The following SSBP3 variants were observed in gnomAD, a reference collection of about 807,000 sequenced individuals.
SSBP3 encodes the protein single stranded DNA binding protein 3.
SSBP3 carries 5 observed loss-of-function variants against 69.6 expected under a neutral mutation model. That is an observed-to-expected ratio of 0.07 (90% CI 0.04 to 0.15). The LOEUF (loss-of-function observed/expected upper bound fraction) is 0.15, where lower values mean the gene tolerates loss of function less well. Among genes scored for constraint, SSBP3 ranks in the 10% least tolerant of loss-of-function variants. The pLI is 1.00. For missense variants in SSBP3, 312 were observed against 534.0 expected (o/e 0.58, Z 4.10); for synonymous variants, 196 against 193.4 (o/e 1.01, Z -0.11).
intron 5 of SSBP3, among the ~76,000 whole-genome samples, chr1:54,272,480 CT>C (rs71497593): frequency 0.021 from 2,594 of 123,958 alleles, 66 homozygotes; most frequent in African/African-American, 0.068. Flanking sequence ...GGAATTTGAC[CT>C]TTTTTTTAAA....
chr1:54,399,457 G>A (rs138107250), intron 4 of SSBP3, among the ~76,000 whole-genome samples: 206 of 152,334 alleles, frequency 1.4e-3, no homozygotes, highest in African/African-American at 4.6e-3. Flanking sequence ...GGCAGGATAT[G>A]AGGGACTGAA....
Position 54,239,121 on chromosome 1 carries a change from A to C in SSBP3, c.927+8T>G. 1 of 1,612,020 alleles carries C rather than the reference A, an allele frequency of 6.2e-7. No individual in the cohort carries two copies. The highest frequency in any genetic ancestry group is 1.1e-5 in the South Asian group (1 of 91,022). ...TCTGATATGTAAATTATTAGAAAGC[A>C]GACTTACGTTGGACCGGCTGCCTCC... is the stretch of plus-strand genomic sequence containing the variant. On this transcript the variant is annotated splice_region_variant and intron_variant, in intron 14 of 17. Transcript: ENST00000610401.
At chr1:54,401,898 C>T (rs1257636466) in exon 4 of SSBP3, 1 of 1,614,122 alleles carries the variant, frequency 6.2e-7, no homozygotes, top group South Asian at 1.1e-5. Flanking sequence ...TGAATGTTCA[C>T]AAGTGTCTCT....
intron 4 of SSBP3, among the ~76,000 whole-genome samples, chr1:54,390,809 C>T (rs539360188): frequency 2.4e-4 from 36 of 152,318 alleles, no homozygotes; most frequent in Middle Eastern, 3.4e-3. Flanking sequence ...AAGCGGGCTC[C>T]GAGTGGGATC....
intron 5 of SSBP3, among the ~76,000 whole-genome samples, chr1:54,267,363 T>C (rs1370790831): frequency 6.6e-6 from 1 of 152,210 alleles, no homozygotes; most frequent in Non-Finnish European, 1.5e-5. Flanking sequence ...TAGGTCCCAG[T>C]ACCCTGAGCT....
chr1:54,248,301 A>C (rs1644767927), intron 9 of SSBP3, among the ~76,000 whole-genome samples: 1 of 152,190 alleles, frequency 6.6e-6, no homozygotes, highest in African/African-American at 2.4e-5. Flanking sequence ...GGCAGTAGGC[A>C]GGGCTCCCTC....
intron 4 of SSBP3, among the ~76,000 whole-genome samples, chr1:54,376,535 C>T (rs1432501502): frequency 6.6e-6 from 1 of 152,214 alleles, no homozygotes; most frequent in Non-Finnish European, 1.5e-5. Flanking sequence ...AAAAACTCGT[C>T]TTTGGGGCAG....
intron 5 of SSBP3, among the ~76,000 whole-genome samples, chr1:54,280,376 G>A (rs998099302): frequency 5.9e-5 from 9 of 152,210 alleles, no homozygotes; most frequent in African/African-American, 1.9e-4. Context: ...GAGCACAGGT[G>A]CTAAATTCTG....
intron 4 of SSBP3, among the ~76,000 whole-genome samples, chr1:54,393,473 C>T (rs139126018): frequency 5.9e-5 from 9 of 152,182 alleles, no homozygotes; most frequent in Non-Finnish European, 1.0e-4. Flanking sequence ...GAACTCAGAC[C>T]AGGCCGGAGG....
At chr1:54,333,422 A>T (rs1212222417) in intron 4 of SSBP3, among the ~76,000 whole-genome samples, 1 of 152,066 alleles carries the variant, frequency 6.6e-6, no homozygotes, top group African/African-American at 2.4e-5. Context: ...ACACCGTCAG[A>T]TTTCTCACCA....
intron 4 of SSBP3, among the ~76,000 whole-genome samples, chr1:54,309,262 G>C (rs955803823): frequency 3.9e-5 from 6 of 152,224 alleles, no homozygotes; most frequent in African/African-American, 1.4e-4. Context: ...CCTGAGGCCA[G>C]TTATAAATTT....
chr1:54,310,711 G>T (rs1645986468), intron 4 of SSBP3, among the ~76,000 whole-genome samples: 1 of 151,548 alleles, frequency 6.6e-6, no homozygotes, highest in Non-Finnish European at 1.5e-5. Flanking sequence ...CTGGGTGGGT[G>T]GGCCTAGAGA....
intron 4 of SSBP3, among the ~76,000 whole-genome samples, chr1:54,386,473 G>A (rs1300470588): frequency 6.6e-6 from 1 of 152,062 alleles, no homozygotes; most frequent in Non-Finnish European, 1.5e-5. Context: ...CTGTACTGGG[G>A]CCCTTGGCTG....
At chr1:54,316,534 G>A (rs1338823212) in intron 4 of SSBP3, among the ~76,000 whole-genome samples, 1 of 147,064 alleles carries the variant, frequency 6.8e-6, no homozygotes, top group Non-Finnish European at 1.5e-5. Flanking sequence ...CCAGCTACTC[G>A]GGAGGCTGAG....
At chr1:54,233,277 A>C (rs190011734) in intron 14 of SSBP3, among the ~76,000 whole-genome samples, 4,409 of 136,862 alleles carry the variant, frequency 0.032, 217 homozygotes, top group African/African-American at 0.12. Flanking sequence ...CCGCGACCCC[A>C]TCTGGGATGT....
rs752893277 is a variant in SSBP3, at chr1:54,281,540, C to G, written c.277-13G>C. The stretch of plus-strand genomic sequence containing the variant: ...CAGCTGCTGCACTCTGTGGAGACAA[C>G]AAGGCAGAGAGTTAGTGGCCAAACC... On this transcript the variant is annotated splice_polypyrimidine_tract_variant and intron_variant, in intron 4 of 17. Transcript: ENST00000610401. 6.4e-7 allele frequency: 1 copy of G among 1,556,386 alleles called. No individual in the cohort carries two copies. The highest frequency in any genetic ancestry group is 1.2e-5 in the South Asian group (1 of 84,304).
intron 4 of SSBP3, among the ~76,000 whole-genome samples, chr1:54,306,015 T>C (rs981274647): frequency 2.6e-5 from 4 of 151,680 alleles, no homozygotes; most frequent in African/African-American, 7.3e-5. Context: ...ACCACATTCC[T>C]CGGTAGCCCT....
intron 4 of SSBP3, among the ~76,000 whole-genome samples, chr1:54,348,413 TCTAA>T (rs1318172264): frequency 2.0e-5 from 3 of 151,970 alleles, no homozygotes; most frequent in African/African-American, 7.3e-5. Flanking sequence ...GTCACATGCT[TCTAA>T]CTTTCTCCCT....
chr1:54,255,417 C>G (rs1173833480), intron 7 of SSBP3, among the ~76,000 whole-genome samples: 1 of 152,172 alleles, frequency 6.6e-6, no homozygotes, highest in Non-Finnish European at 1.5e-5. Flanking sequence ...GCTGCTGGCG[C>G]CCCTATGTGC....
Sources: gnomAD v4.1 joint callset for allele counts (sites outside exome capture counted in the v4.1 genomes callset) on GRCh38, gnomAD v4.1.1 for gene constraint, MANE v1.5 for transcripts, NCBI Gene and HGNC (gene_info 2026-07-23, HGNC 2026-07-21) for gene names.